The following ST3GAL1 variants were observed in gnomAD, a reference collection of about 807,000 sequenced individuals.
The protein encoded by ST3GAL1 is ST3 beta-galactoside alpha-2,3-sialyltransferase 1.
ST3GAL1 carries 16 observed loss-of-function variants against 34.1 expected under a neutral mutation model. The ratio of observed to expected loss-of-function variants is 0.47; its 90% CI spans 0.32 to 0.71. The LOEUF (loss-of-function observed/expected upper bound fraction) is 0.71, where lower values mean the gene tolerates loss of function less well. ST3GAL1 is among the 30% of genes least tolerant of loss of function. The pLI is 0.04. For synonymous variants in ST3GAL1, 191 were observed against 184.7 expected, an observed-to-expected ratio of 1.03 and a Z score of -0.28; for missense variants, 353 against 447.4, an observed-to-expected ratio of 0.79 and a Z score of 1.90.
Position 133,517,445 on chromosome 8 carries a change from G to A in ST3GAL1, c.-428-18256C>T, listed in dbSNP as rs187494371. ...GTTCACTGCAACCTCTGCCTCCCGG[G>A]TTCAAGCGATTCTCCTGCCTCAGCC... On this transcript the variant is annotated intron_variant, in intron 2 of 9. Transcript: ENST00000522652. Among the ~76,000 whole-genome samples the A allele has an allele frequency of 3.9e-3, 587 of 152,256 alleles. 3 individuals are homozygous for A. Among genetic ancestry groups the A allele is most frequent in the African/African-American group, 0.013 (555 of 41,548 alleles).
chr8:133,558,877 G>A (rs1016798989), intron 1 of ST3GAL1, among the ~76,000 whole-genome samples: 1 of 152,080 alleles, frequency 6.6e-6, no homozygotes, highest in Non-Finnish European at 1.5e-5. Flanking sequence ...AGAAGAATAC[G>A]GATTCCCGGC....
intron 2 of ST3GAL1, among the ~76,000 whole-genome samples, chr8:133,500,899 A>G (rs531671172): frequency 6.6e-6 from 1 of 152,292 alleles, no homozygotes; most frequent in East Asian, 1.9e-4. Flanking sequence ...AAGGTCAAAA[A>G]TGCACTGAAT....
intron 7 of ST3GAL1, 120 bp from the exon 8 acceptor site, chr8:133,463,579 T>G (rs991232196): frequency 9.2e-7 from 1 of 1,085,454 alleles, no homozygotes; most frequent in Non-Finnish European, 1.4e-6. Context: ...CTGCCCCCCA[T>G]AGCTTCCCTC....
At chr8:133,541,624 G>A (rs1304464838) in intron 2 of ST3GAL1, among the ~76,000 whole-genome samples, 2 of 152,216 alleles carry the variant, frequency 1.3e-5, no homozygotes, top group African/African-American at 4.8e-5. Context: ...GCTGTCAGCA[G>A]GGACAAATGC....
intron 2 of ST3GAL1, among the ~76,000 whole-genome samples, chr8:133,534,858 A>G (rs1449257258): frequency 6.6e-6 from 1 of 152,204 alleles, no homozygotes; most frequent in Non-Finnish European, 1.5e-5. Context: ...GGTGCTGGTG[A>G]GGGAAAGGCA....
chr8:133,492,093 G>A (rs550647847), intron 3 of ST3GAL1, among the ~76,000 whole-genome samples: 27 of 152,252 alleles, frequency 1.8e-4, no homozygotes, highest in African/African-American at 6.3e-4. Context: ...GGTGAGGCTC[G>A]GGATGGACGA....
At chr8:133,528,540 C>T (rs1415964771) in intron 2 of ST3GAL1, among the ~76,000 whole-genome samples, 2 of 152,258 alleles carry the variant, frequency 1.3e-5, no homozygotes, top group Non-Finnish European at 2.9e-5. Context: ...CTACAGCCTA[C>T]ACTGAGTCAA....
intron 2 of ST3GAL1, among the ~76,000 whole-genome samples, chr8:133,525,994 G>A (rs1380628092): frequency 1.3e-5 from 2 of 152,186 alleles, no homozygotes; most frequent in Admixed American, 6.5e-5. Flanking sequence ...AGAAGGCAGG[G>A]TTCCCACCTG....
At chr8:133,502,426 T>A (rs200820536) in intron 2 of ST3GAL1, among the ~76,000 whole-genome samples, 66 of 140,644 alleles carry the variant, frequency 4.7e-4, no homozygotes, top group African/African-American at 4.7e-4. Context: ...GATGTCCTTA[T>A]AAAAAAAAAA....
At chr8:133,541,116 TATATAGAGAGAG>T (rs1386701105) in intron 2 of ST3GAL1, among the ~76,000 whole-genome samples, 4 of 48,522 alleles carry the variant, frequency 8.2e-5, no homozygotes, top group African/African-American at 4.3e-4. Flanking sequence ...TATATATATA[TATATAGAGAGAG>T]AGAGAGAGAG....
chr8:133,510,484 C>T (rs548645588), intron 2 of ST3GAL1, among the ~76,000 whole-genome samples: 4 of 152,116 alleles, frequency 2.6e-5, no homozygotes, highest in Non-Finnish European at 4.4e-5. Context: ...ATGTACATGC[C>T]GGGCAATTCT....
At chr8:133,468,969 G>A (rs1586589181) in intron 5 of ST3GAL1, among the ~76,000 whole-genome samples, 4 of 152,290 alleles carry the variant, frequency 2.6e-5, no homozygotes, top group South Asian at 2.1e-4. Context: ...CCAGGCCCAG[G>A]GGGTGGCCTT....
Position 133,557,064 on chromosome 8 carries a change from G to A in ST3GAL1, c.-581-11138C>T, listed in dbSNP as rs114430367. On this transcript the variant is annotated intron_variant, in intron 1 of 9. Coordinates refer to ENST00000522652, the MANE Select transcript of ST3GAL1 (RefSeq NM_173344.3). The stretch of plus-strand genomic sequence containing the variant: ...TTCAGGCAATGGCCAACCTCAGCGA[G>A]CCAGCCTTCTCAGCTGTAAAACACT... Among the ~76,000 whole-genome samples, 1,365 of 152,288 alleles carry A rather than the reference G, an allele frequency of 9.0e-3. 17 individuals are homozygous for A. Among genetic ancestry groups the A allele is most frequent in the African/African-American group, 0.031 (1,272 of 41,544 alleles).
At chr8:133,565,029 G>T (rs2131116075) in intron 1 of ST3GAL1, among the ~76,000 whole-genome samples, 1 of 152,312 alleles carries the variant, frequency 6.6e-6, no homozygotes, top group Non-Finnish European at 1.5e-5. Context: ...CAGCTGTGTG[G>T]CCTTAGGCAA....
chr8:133,545,647 T>C (rs1184443398), intron 2 of ST3GAL1, 127 bp downstream of exon 2: 1 of 152,256 alleles, frequency 6.6e-6, no homozygotes, highest in Non-Finnish European at 1.5e-5. Flanking sequence ...AAGCAGGACA[T>C]GTTTCAGAGA....
chr8:133,499,383 C>T (rs1817076793), intron 2 of ST3GAL1, 194 bp from the exon 3 acceptor site: 1 of 152,190 alleles, frequency 6.6e-6, no homozygotes, highest in Non-Finnish European at 1.5e-5. Flanking sequence ...GGATGGGAGC[C>T]AGGGGACCTA....
chr8:133,547,817 G>T (rs1413012209), intron 1 of ST3GAL1, among the ~76,000 whole-genome samples: 1 of 152,200 alleles, frequency 6.6e-6, no homozygotes, highest in Non-Finnish European at 1.5e-5. Context: ...GGATAAACTT[G>T]TGTGTTAGGA....
In ST3GAL1 at chr8:133,556,212, A is replaced by G. The variant is rs1488413416; in HGVS notation, c.-581-10286T>C. Among the ~76,000 whole-genome samples the G allele has an allele frequency of 6.6e-6, 1 of 151,794 alleles. No homozygotes were observed. Among genetic ancestry groups the G allele is most frequent in the East Asian group, 1.9e-4 (1 of 5,170 alleles). On this transcript the variant is annotated intron_variant, in intron 1 of 9. Coordinates refer to ENST00000522652, the MANE Select transcript of ST3GAL1 (RefSeq NM_173344.3). The surrounding 1 kb of genome is among the most constrained non-coding windows in gnomAD (Gnocchi z 8.9). ...TGCCCAGCTTGTTTTTTCTTTTTGA[A>G]TCTCCACTCTCACCCAGGAAGATGA...
At chr8:133,486,354 G>C (rs534831319) in intron 3 of ST3GAL1, among the ~76,000 whole-genome samples, 1 of 152,374 alleles carries the variant, frequency 6.6e-6, no homozygotes, top group African/African-American at 2.4e-5. Context: ...CCTGGCAGGG[G>C]CGAGTGTGAG....
Sources: gnomAD v4.1 joint callset for allele counts (sites outside exome capture counted in the v4.1 genomes callset) on GRCh38, gnomAD v4.1.1 for gene constraint, Gnocchi (gnomAD v3.1) non-coding constraint, MANE v1.5 for transcripts, NCBI Gene and HGNC (gene_info 2026-07-23, HGNC 2026-07-21) for gene names.